The following HGSNAT variants were observed in gnomAD, a reference collection of about 807,000 sequenced individuals.
HGSNAT encodes transmembrane protein 76.
In HGSNAT, 59 loss-of-function variants were observed where a neutral mutation model predicts 85.2. The observed-to-expected ratio is 0.69, with a 90% CI of 0.56 to 0.86. HGSNAT has a LOEUF of 0.86. Ranked by LOEUF, HGSNAT falls within the 40% of genes least tolerant of loss-of-function variation. The pLI is 0.00. For missense variants in HGSNAT, 756 were observed against 777.1 expected, an observed-to-expected ratio of 0.97 and a Z score of 0.32; for synonymous variants, 321 against 304.5, an observed-to-expected ratio of 1.05 and a Z score of -0.56.
chr8:43,172,365 T>C lies in HGSNAT; in HGVS notation c.799T>C (p.Phe267Leu). Residue 267 changes from phenylalanine (F) to leucine (L), a missense_variant, in exon 8 of 18, where the codon TTC becomes CTC. Transcript: ENST00000379644. ...TTATGGAGGAGGAAAATATTGGTAC[T>C]TCAAACATGCAAGTTGGAATGGTAA... is the stretch of plus-strand genomic sequence containing the variant. ...VNYGGGKYWYFKHASWNGLTV... is the reference protein window; with the variant it reads ...VNYGGGKYWYLKHASWNGLTV... 1.2e-6 allele frequency: 2 copies of C among 1,609,028 alleles called. No homozygotes were observed. Among genetic ancestry groups the C allele is most frequent in the Non-Finnish European group, 8.5e-7 (1 of 1,175,360 alleles).
chr8:43,167,900 G>A, intron 5 of HGSNAT: 1 of 265,486 alleles, frequency 3.8e-6, no homozygotes, highest in South Asian at 3.1e-5. Flanking sequence ...AATGTTATCT[G>A]GATATCTTTC....
At chr8:43,190,952 T>C (rs970483792) in intron 11 of HGSNAT, among the ~76,000 whole-genome samples, 1 of 152,288 alleles carries the variant, frequency 6.6e-6, no homozygotes, top group South Asian at 2.1e-4. Flanking sequence ...AGCCTACTTG[T>C]TGTCTCTACA....
rs1804620694 is a variant in HGSNAT at position 43,193,805 on chromosome 8, A to C, written c.1426A>C (p.Thr476Pro). 1.2e-6 allele frequency: 2 copies of C among 1,613,800 alleles called. No homozygotes were observed. Among genetic ancestry groups the C allele is most frequent in the Non-Finnish European group, 8.5e-7 (1 of 1,179,846 alleles). Residue 476 changes from threonine to proline, a missense_variant, in exon 14 of 18, where the codon ACC becomes CCC. Physicochemically the swap from Thr to Pro is conservative, Grantham distance 38. Transcript: ENST00000379644. ...CTATGACCCCGAGGGCATCCTGGGCACCATCAACTCCATCGTGATGGCCTT... is the reference window on the plus strand; with the variant it reads ...CTATGACCCCGAGGGCATCCTGGGCCCCATCAACTCCATCGTGATGGCCTT... Reference protein sequence around the residue: ...VAYDPEGILGTINSIVMAFLG... With the variant: ...VAYDPEGILGPINSIVMAFLG...
In HGSNAT at chr8:43,200,169, C is replaced by G. The variant is rs377372501; in HGVS notation, c.*600C>G. 2.5e-4 allele frequency: 38 copies of G among 152,316 alleles called. No individual in the cohort carries two copies. The highest frequency in any genetic ancestry group is 8.9e-4 in the African/African-American group (37 of 41,578). 9.4% of individuals were successfully genotyped at this position (152,316 alleles called of 1,614,324 possible). A position where few individuals can be genotyped will look rare whatever the true frequency, so the allele number is the denominator to read the frequency against. Reference sequence around the variant, plus strand: ...AAGCCATTTTTTCCTTTTCCTCTCTCGAAAAGTTAAAATATCTATGTGTTA... The same window carrying G: ...AAGCCATTTTTTCCTTTTCCTCTCTGGAAAAGTTAAAATATCTATGTGTTA... On this transcript the variant is annotated 3_prime_UTR_variant, in exon 18 of 18. Coordinates refer to ENST00000379644, the MANE Select transcript of HGSNAT (RefSeq NM_152419.3).
chr8:43,145,215 G>C (rs1456365056), intron 1 of HGSNAT, among the ~76,000 whole-genome samples: 1 of 152,108 alleles, frequency 6.6e-6, no homozygotes, highest in African/African-American at 2.4e-5. Flanking sequence ...GAGAGGCTTG[G>C]GTAAGGAAGA....
At chr8:43,187,375 T>G (rs566666650) in intron 11 of HGSNAT, among the ~76,000 whole-genome samples, 1 of 152,250 alleles carries the variant, frequency 6.6e-6, no homozygotes, top group Non-Finnish European at 1.5e-5. Context: ...CTTGTTGAAT[T>G]GATCCCTTTA....
Position 43,195,994 on chromosome 8 carries a change from G to A in HGSNAT, c.1465-954G>A, listed in dbSNP as rs189157515. 1.6e-3 allele frequency: 262 copies of A among 165,226 alleles called. 1 individual carries two copies. The highest frequency in any genetic ancestry group is 6.2e-3 in the Middle Eastern group (2 of 322). 10.2% of individuals were successfully genotyped at this position (165,226 alleles called of 1,614,324 possible). ...GATATTGTGCTTTTCCATATATTCC[G>A]TATATTCATGTAATCCCTACATACA... On this transcript the variant is annotated intron_variant, in intron 14 of 17. Transcript: ENST00000379644.
At chr8:43,196,583 T>G (rs1463970172) in intron 14 of HGSNAT, 2 of 1,171,078 alleles carry the variant, frequency 1.7e-6, no homozygotes, top group Non-Finnish European at 2.3e-6. Context: ...GCTTCTGCAT[T>G]CCCTGCAGCA....
At chr8:43,197,804 G>A (rs769609084) in intron 16 of HGSNAT, 36 bp from the exon 17 acceptor site, 95 of 1,599,362 alleles carry the variant, frequency 5.9e-5, no homozygotes, top group Non-Finnish European at 6.9e-5. Context: ...GATTTGTTCC[G>A]TACGAGCACT....
intron 11 of HGSNAT, among the ~76,000 whole-genome samples, chr8:43,183,419 A>G (rs1804201019): frequency 6.6e-6 from 1 of 151,166 alleles, no homozygotes; most frequent in Admixed American, 6.6e-5. Flanking sequence ...TACCCACCTC[A>G]GCCTCCCAAA....
intron 15 of HGSNAT, 60 bp downstream of exon 15, chr8:43,197,085 G>T: frequency 8.6e-7 from 1 of 1,169,476 alleles, no homozygotes; most frequent in Non-Finnish European, 1.3e-6. Context: ...ATATTTAAAA[G>T]GAATAAAATG....
intron 1 of HGSNAT, 72 bp downstream of exon 1, chr8:43,140,686 A>T: frequency 1.4e-6 from 1 of 694,346 alleles, no homozygotes; most frequent in Non-Finnish European, 1.9e-6. Flanking sequence ...CGCCGCCCCT[A>T]TCTCCGTGCG....
Position 43,182,081 on chromosome 8 carries a change from A to C in HGSNAT, c.1013-64A>C, listed in dbSNP as rs1392074089. 5 of 1,224,110 alleles carry C rather than the reference A, an allele frequency of 4.1e-6. No homozygotes were observed. The Admixed American group carries it at 8.4e-5, about 21-fold the overall frequency. 75.8% of individuals were successfully genotyped at this position (1,224,110 alleles called of 1,614,324 possible). A position where few individuals can be genotyped will look rare whatever the true frequency, so the allele number is the denominator to read the frequency against. On this transcript the variant is annotated intron_variant, in intron 10 of 17. Transcript: ENST00000379644. Reference sequence around the variant, plus strand: ...TGTCTTCCCCTTTAGGAAACAAATAATGTTGTCCTGGGATGAGAGGAGAAG... The same window carrying C: ...TGTCTTCCCCTTTAGGAAACAAATACTGTTGTCCTGGGATGAGAGGAGAAG...
At chr8:43,173,498 C>T (rs1000845095) in intron 8 of HGSNAT, among the ~76,000 whole-genome samples, 1 of 151,942 alleles carries the variant, frequency 6.6e-6, no homozygotes, top group Non-Finnish European at 1.5e-5. Flanking sequence ...TTAGTAGAGA[C>T]GGAGTTTGAT....
intron 11 of HGSNAT, among the ~76,000 whole-genome samples, chr8:43,190,588 G>A (rs1419161086): frequency 7.9e-5 from 12 of 152,186 alleles, no homozygotes; most frequent in Admixed American, 7.9e-4. Flanking sequence ...TGGGACCTGA[G>A]GGTCCGCGGA....
At chr8:43,150,809 G>T (rs1487343825) in intron 2 of HGSNAT, among the ~76,000 whole-genome samples, 1 of 150,528 alleles carries the variant, frequency 6.6e-6, no homozygotes, top group East Asian at 2.0e-4. Flanking sequence ...ACTCCAGCCT[G>T]GGTGACAGAG....
intron 2 of HGSNAT, among the ~76,000 whole-genome samples, chr8:43,149,398 GATA>G (rs1300005809): frequency 6.6e-6 from 1 of 151,974 alleles, no homozygotes; most frequent in Non-Finnish European, 1.5e-5. Context: ...GAAATTTAAT[GATA>G]ATTTTTAAAA....
At chr8:43,169,502 T>C (rs1280406736) in intron 6 of HGSNAT, among the ~76,000 whole-genome samples, 2 of 152,316 alleles carry the variant, frequency 1.3e-5, no homozygotes, top group East Asian at 3.9e-4. Flanking sequence ...GCAGGCAGCA[T>C]TGTTGAATCA....
intron 14 of HGSNAT, chr8:43,196,265 T>C: frequency 2.8e-6 from 1 of 354,328 alleles, no homozygotes; most frequent in East Asian, 7.5e-5. Flanking sequence ...ATATTAGCTA[T>C]TACTATAAAT....
Sources: allele counts gnomAD v4.1 joint callset (sites outside exome capture counted in the v4.1 genomes callset), GRCh38; gene constraint gnomAD v4.1.1; transcripts MANE v1.5; gene names NCBI Gene and HGNC (gene_info 2026-07-23, HGNC 2026-07-21).